Variants in SGCD observed in about 807,000 individuals in gnomAD.
The protein encoded by SGCD is delta-sarcoglycan.
A neutral mutation model predicts 36.6 loss-of-function variants in SGCD; 18 were observed. That is an observed-to-expected ratio of 0.49 (90% CI 0.34 to 0.73). The LOEUF is 0.73. SGCD is among the 30% of genes least tolerant of loss of function. The pLI, the probability that SGCD is intolerant of heterozygous loss-of-function variation, is 0.01. For synonymous variants in SGCD, 133 were observed against 130.6 expected (o/e 1.02, Z -0.12); for missense variants, 387 against 346.7 (o/e 1.12, Z -0.92).
intron 4 of SGCD, among the ~76,000 whole-genome samples, chr5:156,572,363 C>G (rs916073345): frequency 6.6e-6 from 1 of 152,128 alleles, no homozygotes; most frequent in South Asian, 2.1e-4. Flanking sequence ...ACATTCCCAC[C>G]AGCAGTGTAT....
At chr5:156,059,589 C>T (rs1426988339) in intron 1 of SGCD, among the ~76,000 whole-genome samples, 1 of 145,030 alleles carries the variant, frequency 6.9e-6, no homozygotes, top group African/African-American at 2.5e-5. Flanking sequence ...TTTTTAAGGC[C>T]CGCTGGCTTT....
chr5:156,073,684 A>G (rs1184236409), intron 1 of SGCD, among the ~76,000 whole-genome samples: 1 of 152,232 alleles, frequency 6.6e-6, no homozygotes, highest in Non-Finnish European at 1.5e-5. Flanking sequence ...TGAGAAATTC[A>G]AGAGACTAAG....
chr5:156,440,639 T>C (rs1355190530), intron 3 of SGCD, among the ~76,000 whole-genome samples: 1 of 152,168 alleles, frequency 6.6e-6, no homozygotes, highest in African/African-American at 2.4e-5. Flanking sequence ...TCATCTTTTT[T>C]ATTATTGCCA....
At chr5:156,429,260 A>G (rs1041233425) in intron 3 of SGCD, among the ~76,000 whole-genome samples, 2 of 117,512 alleles carry the variant, frequency 1.7e-5, no homozygotes, top group African/African-American at 7.9e-5. Flanking sequence ...AATGTCCCTC[A>G]TTGTCTTTTT....
intron 1 of SGCD, among the ~76,000 whole-genome samples, chr5:155,904,440 A>G (rs1756455722): frequency 6.6e-6 from 1 of 152,226 alleles, no homozygotes; most frequent in Admixed American, 6.5e-5. Context: ...TACAACCATC[A>G]CCACAATAAC....
chr5:156,143,725 C>CT (rs946144232), intron 3 of SGCD, among the ~76,000 whole-genome samples: 11 of 151,592 alleles, frequency 7.3e-5, no homozygotes, highest in Admixed American at 3.3e-4. Context: ...TCATTCTTTT[C>CT]TTTTTTTTGC....
At chr5:156,046,164 A>G (rs1008499395) in intron 1 of SGCD, among the ~76,000 whole-genome samples, 9 of 152,108 alleles carry the variant, frequency 5.9e-5, no homozygotes, top group African/African-American at 2.2e-4. Context: ...GCCTCAGTAC[A>G]TCATCTCACT....
chr5:156,637,870 T>G (rs1762887057), intron 6 of SGCD, among the ~76,000 whole-genome samples: 1 of 152,212 alleles, frequency 6.6e-6, no homozygotes, highest in South Asian at 2.1e-4. Flanking sequence ...TTTAAGTGTT[T>G]TAATGCTTTG....
chr5:156,746,615 C>G (rs1201729992), intron 7 of SGCD, among the ~76,000 whole-genome samples: 1 of 152,170 alleles, frequency 6.6e-6, no homozygotes, highest in Non-Finnish European at 1.5e-5. Flanking sequence ...AACATCAGTG[C>G]TGTTCAATGG....
intron 1 of SGCD, among the ~76,000 whole-genome samples, chr5:155,993,211 C>T (rs879731969): frequency 2.0e-5 from 3 of 152,138 alleles, no homozygotes; most frequent in South Asian, 2.1e-4. Flanking sequence ...GCATGGCCCC[C>T]GTCCCCCTGC....
chr5:155,922,224 G>A (rs1017468936), intron 1 of SGCD, among the ~76,000 whole-genome samples: 2 of 152,126 alleles, frequency 1.3e-5, no homozygotes, highest in African/African-American at 4.8e-5. Flanking sequence ...TACAAGACAA[G>A]GTCTTTGAGG....
chr5:156,257,345 G>A (rs886265921), intron 3 of SGCD, among the ~76,000 whole-genome samples: 2 of 151,976 alleles, frequency 1.3e-5, no homozygotes, highest in East Asian at 3.9e-4. Flanking sequence ...ATGGTGGCGG[G>A]TGCCTGTAGT....
At chr5:155,974,530 C>G (rs1435138185) in intron 1 of SGCD, among the ~76,000 whole-genome samples, 1 of 147,222 alleles carries the variant, frequency 6.8e-6, no homozygotes, top group Non-Finnish European at 1.5e-5. Flanking sequence ...ACAGATAGGT[C>G]CAACTCCCAC....
intron 3 of SGCD, among the ~76,000 whole-genome samples, chr5:156,274,690 C>T (rs780526703): frequency 2.6e-5 from 4 of 152,118 alleles, no homozygotes; most frequent in Non-Finnish European, 4.4e-5. Context: ...ATGCTGAGTT[C>T]TGGAGGTACA....
intron 3 of SGCD, among the ~76,000 whole-genome samples, chr5:156,431,676 G>A (rs1296384760): frequency 6.6e-6 from 1 of 152,076 alleles, no homozygotes; most frequent in Non-Finnish European, 1.5e-5. Context: ...TTAGGAATGG[G>A]GCTTCCTGAG....
intron 3 of SGCD, among the ~76,000 whole-genome samples, chr5:156,445,479 G>T (rs183605449): frequency 2.7e-4 from 41 of 152,278 alleles, no homozygotes; most frequent in African/African-American, 9.4e-4. Context: ...GAAGGGAGAA[G>T]TAGAGCTATA....
chr5:156,739,074 GA>G (rs1338170174), intron 7 of SGCD, among the ~76,000 whole-genome samples: 1 of 152,090 alleles, frequency 6.6e-6, no homozygotes, highest in Non-Finnish European at 1.5e-5. Context: ...TTAAGAGGGG[GA>G]AACATCTAAA....
chr5:156,265,407 C>T (rs1765972566), intron 3 of SGCD, among the ~76,000 whole-genome samples: 1 of 151,654 alleles, frequency 6.6e-6, no homozygotes, highest in Non-Finnish European at 1.5e-5. Flanking sequence ...GAAAAGCTAG[C>T]CAGTTAAATG....
At chr5:156,618,102 A>G (rs1341447751) in intron 6 of SGCD, among the ~76,000 whole-genome samples, 1 of 152,124 alleles carries the variant, frequency 6.6e-6, no homozygotes, top group Non-Finnish European at 1.5e-5. Flanking sequence ...AGAAGGAAGC[A>G]TGAGAATGGC....
Sources: allele counts gnomAD v4.1 joint callset (sites outside exome capture counted in the v4.1 genomes callset), GRCh38; gene constraint gnomAD v4.1.1; transcripts MANE v1.5; gene names NCBI Gene and HGNC (gene_info 2026-07-23, HGNC 2026-07-21).